CPM: variants seen among roughly 807,000 people sequenced by gnomAD.
The protein encoded by CPM is renal carboxypeptidase.
A neutral mutation model predicts 46.4 loss-of-function variants in CPM; 35 were observed. The ratio of observed to expected loss-of-function variants is 0.75; its 90% CI spans 0.58 to 1.00. The LOEUF (loss-of-function observed/expected upper bound fraction) is 1.00. CPM is among the 50% of genes least tolerant of loss of function. The pLI, the probability that CPM is intolerant of heterozygous loss-of-function variation, is 0.00. For missense variants in CPM, 422 were observed against 530.4 expected (o/e 0.80, Z 2.01); for synonymous variants, 195 against 195.3 (o/e 1.00, Z 0.01).
intron 3 of CPM, among the ~76,000 whole-genome samples, chr12:68,880,273 A>G (rs564722294): frequency 6.6e-6 from 1 of 152,326 alleles, no homozygotes; most frequent in Admixed American, 6.5e-5. Context: ...AATGAGAAAG[A>G]ACCCCAGAAA....
At chr12:68,844,024 A>C (rs1884046039) in intron 5 of CPM, 1 of 207,146 alleles carries the variant, frequency 4.8e-6, no homozygotes, top group Admixed American at 5.9e-5. Context: ...CATAAATGTG[A>C]TTATAAACAT....
intron 5 of CPM, chr12:68,846,119 T>A (rs1247582709): frequency 1.4e-5 from 2 of 145,480 alleles, no homozygotes; most frequent in African/African-American, 5.7e-5. Flanking sequence ...ACCTGGCTAA[T>A]TTTTTTTGTA....
At chr12:68,929,581 C>T (rs184639363) in intron 2 of CPM, among the ~76,000 whole-genome samples, 119 of 152,214 alleles carry the variant, frequency 7.8e-4, no homozygotes, top group African/African-American at 2.8e-3. Context: ...ATGGCTGAAG[C>T]TGGGTATAGA....
chr12:68,944,001 G>A (rs1417905850), intron 1 of CPM, among the ~76,000 whole-genome samples: 1 of 152,132 alleles, frequency 6.6e-6, no homozygotes, highest in Non-Finnish European at 1.5e-5. Context: ...GAGTGACAAA[G>A]AGACTGTTTG....
At chr12:68,922,618 ATTTTT>A (rs10603077) in intron 2 of CPM, among the ~76,000 whole-genome samples, 7 of 138,094 alleles carry the variant, frequency 5.1e-5, no homozygotes, top group Admixed American at 7.2e-5. Flanking sequence ...AGTTGGCAGC[ATTTTT>A]TTTTTTTTTT....
intron 1 of CPM, among the ~76,000 whole-genome samples, chr12:68,951,844 T>C (rs17105943): frequency 0.018 from 2,790 of 152,240 alleles, 68 homozygotes; most frequent in African/African-American, 0.051. Context: ...GGCAGTGTTC[T>C]AGCAAGTAAA....
In CPM at chr12:68,941,203, G is replaced by A. The variant is rs867576108; in HGVS notation, c.-3-8363C>T. ...TGTGTGTGTGTGTGTGTGTGTGTGT[G>A]TATATAAAGCTAACACATCAGCTGA... is the stretch of plus-strand genomic sequence containing the variant. On this transcript the variant is annotated intron_variant, in intron 1 of 8. Transcript: ENST00000546373. Among the ~76,000 whole-genome samples the A allele has an allele frequency of 8.8e-4, 131 of 149,542 alleles. 1 individual carries two copies. The highest frequency in any genetic ancestry group is 2.5e-3 in the South Asian group (12 of 4,770).
At chr12:68,938,479 A>G (rs1465897164) in intron 1 of CPM, among the ~76,000 whole-genome samples, 1 of 152,140 alleles carries the variant, frequency 6.6e-6, no homozygotes, top group Non-Finnish European at 1.5e-5. Context: ...CTAATGTGGC[A>G]CATTTGTTTC....
At chr12:68,845,192 G>C (rs2136193349) in intron 5 of CPM, 1 of 208,166 alleles carries the variant, frequency 4.8e-6, no homozygotes, top group Admixed American at 6.0e-5. Context: ...ATTACATTTT[G>C]ATTTGATACT....
At chr12:68,925,332 T>A (rs915075431) in intron 2 of CPM, among the ~76,000 whole-genome samples, 54 of 152,328 alleles carry the variant, frequency 3.5e-4, no homozygotes, top group African/African-American at 1.0e-3. Flanking sequence ...GCACTTACTA[T>A]GTGCCAGGAA....
chr12:68,935,572 T>C (rs998950571), upstream of CPM, among the ~76,000 whole-genome samples: 2 of 152,032 alleles, frequency 1.3e-5, no homozygotes, highest in Non-Finnish European at 2.9e-5. Flanking sequence ...ATTACATGAG[T>C]GAGCCACCTT....
intron 1 of CPM, among the ~76,000 whole-genome samples, chr12:68,939,951 A>G (rs1888735511): frequency 6.6e-6 from 1 of 152,070 alleles, no homozygotes; most frequent in Non-Finnish European, 1.5e-5. Flanking sequence ...TTTAAAAAAT[A>G]GTCTATTAAT....
intron 5 of CPM, chr12:68,842,654 C>CCAA (rs1592606843): frequency 4.6e-6 from 1 of 217,504 alleles, no homozygotes; most frequent in East Asian, 7.1e-5. Flanking sequence ...TACTAGACAA[C>CCAA]ATGTAATTAA....
intron 2 of CPM, 35 bp from the exon 3 acceptor site, chr12:68,885,924 G>A: frequency 6.4e-7 from 1 of 1,571,602 alleles, no homozygotes; most frequent in Non-Finnish European, 8.7e-7. Flanking sequence ...GGAAAAGTAA[G>A]TTGTCTCTTA....
chr12:68,857,236 T>C (rs1885018769), intron 8 of CPM, among the ~76,000 whole-genome samples: 1 of 151,772 alleles, frequency 6.6e-6, no homozygotes, highest in East Asian at 1.9e-4. Context: ...TCTTGGCTCA[T>C]TGCAACCTCC....
chr12:68,923,031 G>A (rs1657753792), intron 2 of CPM, among the ~76,000 whole-genome samples: 1 of 152,078 alleles, frequency 6.6e-6, no homozygotes, highest in Admixed American at 6.6e-5. Context: ...GGGTTCAAGT[G>A]ATTCTCCTGT....
upstream of CPM, among the ~76,000 whole-genome samples, chr12:68,935,882 T>G (rs2136327751): frequency 6.6e-6 from 1 of 152,272 alleles, no homozygotes; most frequent in South Asian, 2.1e-4. Context: ...ACGTGGACAC[T>G]ATCTGATTTC....
At chr12:68,858,785 A>G (rs534961269) in intron 8 of CPM, 138 bp downstream of exon 8, 10 of 437,864 alleles carry the variant, frequency 2.3e-5, no homozygotes, top group African/African-American at 1.8e-4. Context: ...GCCAATTGCA[A>G]GTCTGACACT....
chr12:68,864,373 C>T (rs541588009), intron 7 of CPM, among the ~76,000 whole-genome samples: 55 of 149,234 alleles, frequency 3.7e-4, no homozygotes, highest in East Asian at 1.4e-3. Flanking sequence ...ACCTGGGAGG[C>T]GGAGGTTACA....
Sources: allele counts gnomAD v4.1 joint callset (sites outside exome capture counted in the v4.1 genomes callset), GRCh38; gene constraint gnomAD v4.1.1; transcripts MANE v1.5; gene names NCBI Gene and HGNC (gene_info 2026-07-23, HGNC 2026-07-21).